The following PRELID2 variants were observed in gnomAD, a reference collection of about 807,000 sequenced individuals.
PRELID2 encodes the protein PRELI domain-containing protein 2.
PRELID2 carries 25 observed loss-of-function variants against 28.4 expected under a neutral mutation model. That is an observed-to-expected ratio of 0.88 (90% confidence interval 0.64 to 1.23). The LOEUF is 1.23. PRELID2 is among the 50% of genes most tolerant of loss of function. The pLI is 0.00. For missense variants in PRELID2, 201 were observed against 214.4 expected (o/e 0.94, Z 0.39); for synonymous variants, 76 against 71.6 (o/e 1.06, Z -0.31).
At chr5:145,289,590 T>C in the PRELID2 span, among the ~76,000 whole-genome samples, 1 of 152,348 alleles carries the variant, frequency 6.6e-6, no homozygotes, top group East Asian at 1.9e-4. Context: ...GGACATTCAT[T>C]TTCAAGTTAG....
chr5:145,238,004 T>A, the PRELID2 span, among the ~76,000 whole-genome samples: 1 of 152,062 alleles, frequency 6.6e-6, no homozygotes, highest in Non-Finnish European at 1.5e-5. Flanking sequence ...GAACGGGGCA[T>A]ATTTCATGTG....
At chr5:145,291,337 G>GGAAAAAAA in the PRELID2 span, among the ~76,000 whole-genome samples, 3 of 41,732 alleles carry the variant, frequency 7.2e-5, no homozygotes, top group Admixed American at 3.0e-4. Context: ...CTCTGTTTCA[G>GGAAAAAAA]AAAAAAAAAA....
At chr5:145,518,978 T>G (rs1210869126) in intron 1 of PRELID2, among the ~76,000 whole-genome samples, 2 of 152,198 alleles carry the variant, frequency 1.3e-5, no homozygotes, top group African/African-American at 2.4e-5. Context: ...ATGTTCCATT[T>G]TTGTATCCCA....
chr5:145,543,987 G>A (rs554492012), intron 1 of PRELID2, among the ~76,000 whole-genome samples: 6 of 152,082 alleles, frequency 3.9e-5, no homozygotes, highest in East Asian at 1.9e-4. Context: ...CAGTGAGATC[G>A]ACTCCAAAAA....
Position 145,823,145 on chromosome 5 carries a change from A to G in PRELID2, c.76-11T>C. On this transcript the variant is annotated splice_polypyrimidine_tract_variant and intron_variant, in intron 1 of 6. Coordinates refer to ENST00000683046, the MANE Select transcript of PRELID2 (RefSeq NM_205846.3). ...CATGGGGTTGGGGTACTAAACAAAA[A>G]TATATAAAAAAGAATTACCATTAAT... The G allele has an allele frequency of 7.5e-7, 1 of 1,333,988 alleles. No individual in the cohort carries two copies. The allele number at this position is 1,333,988 out of a possible 1,614,324, so 82.6% of individuals were successfully genotyped here.
At chr5:145,679,450 C>A (rs1455475063) in intron 1 of PRELID2, among the ~76,000 whole-genome samples, 1 of 152,148 alleles carries the variant, frequency 6.6e-6, no homozygotes, top group Non-Finnish European at 1.5e-5. Flanking sequence ...TCAATCCCAG[C>A]CAATTACATC....
intron 1 of PRELID2, among the ~76,000 whole-genome samples, chr5:145,569,813 A>T (rs1753001707): frequency 6.6e-6 from 1 of 152,212 alleles, no homozygotes. Flanking sequence ...GGTACCTCCC[A>T]ATGTTTTTGC....
chr5:145,508,332 T>C (rs1195206060), intron 1 of PRELID2, among the ~76,000 whole-genome samples: 6 of 152,038 alleles, frequency 3.9e-5, no homozygotes, highest in Non-Finnish European at 7.4e-5. Flanking sequence ...AATCAATCTT[T>C]TTTCTCCACA....
chr5:145,741,291 AAATT>A (rs1458367119), intron 1 of PRELID2, among the ~76,000 whole-genome samples: 1 of 106,474 alleles, frequency 9.4e-6, no homozygotes, highest in Non-Finnish European at 1.7e-5. Flanking sequence ...ATATATAAAT[AAATT>A]ATATATAAAT....
Position 145,503,506 on chromosome 5 carries a change from G to T in PRELID2, n.71-30191C>A, listed in dbSNP as rs984918443. ...CTACTAGATATCAGTCATTTTCTACGCATTTCCTCCTCCAAACTGCCCTAT... is the reference window on the plus strand; with the variant it reads ...CTACTAGATATCAGTCATTTTCTACTCATTTCCTCCTCCAAACTGCCCTAT... On this transcript the variant is annotated intron_variant and non_coding_transcript_variant, in intron 1 of 2. Coordinates refer to the PRELID2 transcript ENST00000510259. Among the ~76,000 whole-genome samples, 8 of 151,318 alleles carry T rather than the reference G, an allele frequency of 5.3e-5. No individual in the cohort carries two copies. The East Asian group carries it at 1.6e-3, about 29-fold the overall frequency.
chr5:145,554,967 T>A (rs780914739), intron 1 of PRELID2, among the ~76,000 whole-genome samples: 11 of 152,262 alleles, frequency 7.2e-5, no homozygotes, highest in Admixed American at 2.0e-4. Flanking sequence ...CCTTCTTTCA[T>A]ATTTATTATG....
chr5:145,449,177 T>C, the PRELID2 span, among the ~76,000 whole-genome samples: 2 of 152,076 alleles, frequency 1.3e-5, no homozygotes, highest in Non-Finnish European at 1.5e-5. Flanking sequence ...ATAATTCTAA[T>C]TAAAGTGCTG....
At chr5:145,624,179 C>T (rs1205686716) in intron 1 of PRELID2, among the ~76,000 whole-genome samples, 4 of 152,136 alleles carry the variant, frequency 2.6e-5, no homozygotes, top group Admixed American at 2.6e-4. Context: ...TCAGAGCATA[C>T]CACCTTCCCA....
chr5:145,790,707 G>GTA, intron 5 of PRELID2, among the ~76,000 whole-genome samples: 4 of 58,378 alleles, frequency 6.9e-5, no homozygotes, highest in East Asian at 1.3e-3. Flanking sequence ...CACATTGTGT[G>GTA]TGTGTGTGTG....
intron 1 of PRELID2, among the ~76,000 whole-genome samples, chr5:145,582,493 A>G (rs1029982528): frequency 1.3e-5 from 2 of 151,998 alleles, no homozygotes; most frequent in African/African-American, 4.8e-5. Flanking sequence ...CCCTCCCCCA[A>G]CACATGGGGA....
chr5:145,832,898 CCT>C (rs1755696115), intron 1 of PRELID2, among the ~76,000 whole-genome samples: 1 of 152,096 alleles, frequency 6.6e-6, no homozygotes, highest in African/African-American at 2.4e-5. Flanking sequence ...TAAAGATCAC[CCT>C]CTCTGACTTC....
At chr5:145,829,809 T>C (rs1755461944) in intron 1 of PRELID2, among the ~76,000 whole-genome samples, 1 of 152,174 alleles carries the variant, frequency 6.6e-6, no homozygotes, top group African/African-American at 2.4e-5. Context: ...AGTGTCAGAT[T>C]TGCAAGGGAG....
At chr5:145,414,982 G>T in the PRELID2 span, among the ~76,000 whole-genome samples, 1 of 152,122 alleles carries the variant, frequency 6.6e-6, no homozygotes, top group African/African-American at 2.4e-5. Flanking sequence ...ACTCAGCTCT[G>T]GATCAAGTGG....
intron 1 of PRELID2, among the ~76,000 whole-genome samples, chr5:145,641,479 C>T (rs1451635932): frequency 6.6e-6 from 1 of 152,034 alleles, no homozygotes; most frequent in Non-Finnish European, 1.5e-5. Context: ...ATTGACAATA[C>T]CAGTGTTAGG....
Sources: allele counts gnomAD v4.1 joint callset (sites outside exome capture counted in the v4.1 genomes callset), GRCh38; gene constraint gnomAD v4.1.1; transcripts MANE v1.5; gene names NCBI Gene and HGNC (gene_info 2026-07-23, HGNC 2026-07-21).